NR6A1: variants seen among roughly 807,000 people sequenced by gnomAD.
NR6A1 encodes nuclear receptor subfamily 6 group A member 1, also known as retinoic acid receptor-related testis-associated receptor.
In NR6A1, 7 loss-of-function variants were observed where a neutral mutation model predicts 59.1. The ratio of observed to expected loss-of-function variants is 0.12; its 90% CI spans 0.07 to 0.22. The LOEUF is 0.22. NR6A1 is among the 10% of genes least tolerant of loss of function. NR6A1 has a pLI of 1.00. For missense variants in NR6A1, 468 were observed against 611.6 expected (o/e 0.77, Z 2.48); for synonymous variants, 243 against 236.1 (o/e 1.03, Z -0.27).
Position 124,751,950 on chromosome 9 carries a change from T to C in NR6A1, c.101-18601A>G, listed in dbSNP as rs564196162. Among the ~76,000 whole-genome samples, 10 of 152,306 alleles carry C rather than the reference T, an allele frequency of 6.6e-5. No individual in the cohort carries two copies. The East Asian group carries it at 7.7e-4, about 12-fold the overall frequency. ...GATTACAAAATTCCTCCTTTTGTAT[T>C]TGAAGAAGCTATTGTCACAATACAA... On this transcript the variant is annotated intron_variant, in intron 1 of 9. Coordinates refer to ENST00000487099, the MANE Select transcript of NR6A1 (RefSeq NM_033334.4).
chr9:124,588,400 C>T (rs1200509588), intron 2 of NR6A1, among the ~76,000 whole-genome samples: 3 of 151,734 alleles, frequency 2.0e-5, no homozygotes, highest in Non-Finnish European at 2.9e-5. Context: ...CTCTGCCTTC[C>T]GGGTTCACGC....
At chr9:124,604,956 A>C (rs2130829384) in intron 2 of NR6A1, among the ~76,000 whole-genome samples, 1 of 152,370 alleles carries the variant, frequency 6.6e-6, no homozygotes, top group Non-Finnish European at 1.5e-5. Flanking sequence ...AGGATAAACA[A>C]ACAAGAAATA....
intron 9 of NR6A1, among the ~76,000 whole-genome samples, chr9:124,523,426 T>C (rs1299042302): frequency 6.6e-6 from 1 of 152,176 alleles, no homozygotes; most frequent in African/African-American, 2.4e-5. Flanking sequence ...TACCTCTGAG[T>C]GACCTGGGGA....
intron 2 of NR6A1, among the ~76,000 whole-genome samples, chr9:124,690,508 T>A (rs143374281): frequency 6.6e-6 from 1 of 152,082 alleles, no homozygotes; most frequent in African/African-American, 2.4e-5. Context: ...AAGAGTTAAA[T>A]AGTTGGATTG....
intron 2 of NR6A1, among the ~76,000 whole-genome samples, chr9:124,561,796 C>A (rs1001519800): frequency 7.2e-5 from 11 of 152,066 alleles, no homozygotes; most frequent in Middle Eastern, 3.2e-3. Context: ...CCTGTAATAC[C>A]AGCTACTCGG....
intron 2 of NR6A1, among the ~76,000 whole-genome samples, chr9:124,646,961 C>CT (rs1249987549): frequency 1.3e-5 from 2 of 152,210 alleles, no homozygotes; most frequent in Admixed American, 6.5e-5. Flanking sequence ...GTTGCCCAGG[C>CT]TGAAGTGCAG....
At chr9:124,564,681 CTGTGTG>C (rs56301413) in intron 2 of NR6A1, among the ~76,000 whole-genome samples, 64 of 149,370 alleles carry the variant, frequency 4.3e-4, no homozygotes, top group African/African-American at 1.1e-3. Flanking sequence ...AATCCACACT[CTGTGTG>C]TGTGTGTGTG....
At chr9:124,621,300 G>A (rs1450952097) in intron 2 of NR6A1, among the ~76,000 whole-genome samples, 2 of 152,146 alleles carry the variant, frequency 1.3e-5, no homozygotes, top group Non-Finnish European at 2.9e-5. Flanking sequence ...CCTGACACAA[G>A]AAGAAACTTC....
At chr9:124,621,403 C>G (rs549674920) in intron 2 of NR6A1, among the ~76,000 whole-genome samples, 1 of 151,814 alleles carries the variant, frequency 6.6e-6, no homozygotes, top group South Asian at 2.1e-4. Flanking sequence ...ATAATCCCAG[C>G]ACTTTGGGAG....
chr9:124,766,102 C>A (rs1428675410), intron 1 of NR6A1, among the ~76,000 whole-genome samples: 3 of 152,140 alleles, frequency 2.0e-5, no homozygotes, highest in Non-Finnish European at 4.4e-5. Flanking sequence ...TTAAGCTCAG[C>A]TGAATCTGAA....
chr9:124,544,337 C>T (rs1243650932), intron 3 of NR6A1, among the ~76,000 whole-genome samples: 1 of 152,336 alleles, frequency 6.6e-6, no homozygotes, highest in East Asian at 1.9e-4. Flanking sequence ...CCTGCAAAGG[C>T]AGTCAGTAGA....
intron 1 of NR6A1, among the ~76,000 whole-genome samples, chr9:124,754,919 C>T (rs1840595113): frequency 6.6e-6 from 1 of 151,998 alleles, no homozygotes; most frequent in Admixed American, 6.6e-5. Context: ...CTTTTACCAC[C>T]CTCCACCCAG....
At chr9:124,573,673 T>C (rs1009832041) in intron 2 of NR6A1, among the ~76,000 whole-genome samples, 2 of 152,224 alleles carry the variant, frequency 1.3e-5, no homozygotes, top group Non-Finnish European at 1.5e-5. Flanking sequence ...AGCCGCTACA[T>C]TGTAATAGTG....
intron 2 of NR6A1, among the ~76,000 whole-genome samples, chr9:124,590,156 A>G (rs568295886): frequency 1.3e-5 from 2 of 151,560 alleles, no homozygotes; most frequent in East Asian, 3.9e-4. Flanking sequence ...AAAGGAAAAC[A>G]TTTCGCTAAT....
intron 2 of NR6A1, among the ~76,000 whole-genome samples, chr9:124,721,002 TAA>T (rs1839548110): frequency 6.6e-6 from 1 of 152,334 alleles, no homozygotes; most frequent in Middle Eastern, 3.4e-3. Context: ...AAATGTTTAT[TAA>T]AAGTCTTTGT....
chr9:124,759,665 G>A (rs1317882503), intron 1 of NR6A1, among the ~76,000 whole-genome samples: 2 of 152,138 alleles, frequency 1.3e-5, no homozygotes, highest in Non-Finnish European at 2.9e-5. Context: ...AACTCAAAAC[G>A]CCTTCATTCC....
chr9:124,690,591 A>G (rs35025473), intron 2 of NR6A1, among the ~76,000 whole-genome samples: 1,922 of 152,192 alleles, frequency 0.013, 18 homozygotes, highest in Admixed American at 0.022. Flanking sequence ...GCTGGAGTGC[A>G]GTGGTGGATC....
chr9:124,732,332 G>A lies in NR6A1; in HGVS notation c.142+976C>T, dbSNP rs146281720. The stretch of plus-strand genomic sequence containing the variant: ...AATCTAAATTATCATTTGACCTTTC[G>A]GCATTATAGCAAAATAAGGTCTGTA... On this transcript the variant is annotated intron_variant, in intron 2 of 9. Transcript: ENST00000487099. 8.9e-3 allele frequency among the ~76,000 whole-genome samples: 1,354 copies of A among 152,156 alleles called. 10 individuals are homozygous for A. Among genetic ancestry groups the A allele is most frequent in the Non-Finnish European group, 0.014 (956 of 68,010 alleles).
chr9:124,624,586 C>T (rs917275939), intron 2 of NR6A1, among the ~76,000 whole-genome samples: 2 of 152,214 alleles, frequency 1.3e-5, no homozygotes, highest in African/African-American at 4.8e-5. Context: ...CTAGGACACA[C>T]TGACTACTTT....
Sources: gnomAD v4.1 joint callset for allele counts (sites outside exome capture counted in the v4.1 genomes callset) on GRCh38, gnomAD v4.1.1 for gene constraint, MANE v1.5 for transcripts, NCBI Gene and HGNC (gene_info 2026-07-23, HGNC 2026-07-21) for gene names.